Variants in MYO3B observed in about 807,000 individuals in gnomAD.
MYO3B encodes the protein myosin IIIB.
Under a neutral mutation model 174.6 loss-of-function variants are expected in MYO3B, and 156 were observed. The observed-to-expected ratio is 0.89, with a 90% confidence interval of 0.78 to 1.02. The LOEUF (loss-of-function observed/expected upper bound fraction) is 1.02, where lower values mean the gene tolerates loss of function less well. Ranked by LOEUF, MYO3B falls within the 50% of genes least tolerant of loss-of-function variation. The pLI, the probability that MYO3B is intolerant of heterozygous loss-of-function variation, is 0.00. For missense variants in MYO3B, 1,632 were observed against 1,639.4 expected, an observed-to-expected ratio of 1.00 and a Z score of 0.08; for synonymous variants, 563 against 569.1, an observed-to-expected ratio of 0.99 and a Z score of 0.15.
At chr2:170,207,679 G>T (rs201431894) in intron 3 of MYO3B, among the ~76,000 whole-genome samples, 1 of 135,668 alleles carries the variant, frequency 7.4e-6, no homozygotes. Flanking sequence ...AAAAAAAAAG[G>T]CTTTTTTTTT....
Position 170,519,578 on chromosome 2 carries a change from C to T in MYO3B, c.3575+38C>T, listed in dbSNP as rs553493927. On this transcript the variant is annotated intron_variant, in intron 30 of 34. Coordinates refer to ENST00000408978, the MANE Select transcript of MYO3B (RefSeq NM_138995.5). ...TGCTAAGAGTTCCCTGTTGTAAACT[C>T]AGGTGCTCCATTCTAATGGATAATG... 5.9e-5 allele frequency: 87 copies of T among 1,466,850 alleles called. 1 individual carries two copies. The South Asian group carries it at 9.9e-4, about 17-fold the overall frequency. The allele number at this position is 1,466,850 out of a possible 1,614,324, so 90.9% of individuals were successfully genotyped here.
chr2:170,387,197 C>G lies in MYO3B; in HGVS notation c.1466C>G (p.Ser489Trp), dbSNP rs529027538. 5.6e-6 allele frequency: 9 copies of G among 1,614,092 alleles called. No individual in the cohort carries two copies. In the South Asian group the frequency reaches 9.9e-5, roughly 18 times the overall value. The change falls in exon 14 of 35, where the codon TCG becomes TGG. Residue 489 changes from serine (S) to tryptophan (W), a missense_variant. Transcript: ENST00000408978. ...GNSCTAINDN[S>W]SRFGKYLEMM... ...TCATGCACTGCCATCAATGACAACT[C>G]GAGCCGTTTTGGAAAATATCTGGAA...
intron 32 of MYO3B, among the ~76,000 whole-genome samples, chr2:170,581,748 T>A (rs546112566): frequency 6.6e-6 from 1 of 152,314 alleles, no homozygotes; most frequent in Admixed American, 6.5e-5. Flanking sequence ...CCTCACAATT[T>A]TAGCTAAACA....
intron 32 of MYO3B, among the ~76,000 whole-genome samples, chr2:170,581,078 C>T (rs2106301756): frequency 6.6e-6 from 1 of 152,292 alleles, no homozygotes; most frequent in Middle Eastern, 3.4e-3. Context: ...TGCACATCTA[C>T]CATTCAGAAT....
chr2:170,272,010 A>C (rs1386775803), intron 7 of MYO3B, among the ~76,000 whole-genome samples: 1 of 151,102 alleles, frequency 6.6e-6, no homozygotes, highest in Admixed American at 6.6e-5. Context: ...AGGGACTGTT[A>C]TATTTCTACA....
rs781169774 is a variant in MYO3B at position 170,499,820 on chromosome 2, T to G, written c.3289+12T>G. 6.2e-7 allele frequency: 1 copy of G among 1,613,224 alleles called. No homozygotes were observed. The highest frequency in any genetic ancestry group is 1.7e-5 in the Admixed American group (1 of 59,994). ...TGCCATCCAGTCAGGTAAATGGTCC[T>G]GTTCTCATAAATACTGCCCTGGGTA... On this transcript the variant is annotated intron_variant, in intron 27 of 34. Coordinates refer to ENST00000408978, the MANE Select transcript of MYO3B (RefSeq NM_138995.5).
intron 8 of MYO3B, among the ~76,000 whole-genome samples, chr2:170,357,924 G>A (rs558213938): frequency 1.3e-5 from 2 of 152,294 alleles, no homozygotes; most frequent in African/African-American, 4.8e-5. Flanking sequence ...AGGCCAAGGT[G>A]GGTGGATCAC....
chr2:170,404,331 C>A lies in MYO3B; in HGVS notation c.2362C>A (p.Pro788Thr). The change falls in exon 20 of 35, where the codon CCC becomes ACC. Residue 788 changes from proline (P) to threonine (T), a missense_variant. Physicochemically the swap from Pro to Thr is conservative, Grantham distance 38. Transcript: ENST00000408978. ...RPLLDMFLQK[P>T]LGLLALLDEE... ...GCTCTTGGACATGTTCCTCCAGAAA[C>A]CCCTGGGACTGCTTGCACTTTTGGA... 1 of 1,613,908 alleles carries A rather than the reference C, an allele frequency of 6.2e-7. No individual in the cohort carries two copies.
intron 32 of MYO3B, among the ~76,000 whole-genome samples, chr2:170,549,217 A>G (rs1195296538): frequency 1.3e-5 from 2 of 152,190 alleles, no homozygotes; most frequent in African/African-American, 4.8e-5. Flanking sequence ...GTTTTCTTTT[A>G]TACCTCACCT....
Position 170,651,652 on chromosome 2 carries a change from A to G in MYO3B, c.3758A>G (p.Lys1253Arg). Residue 1253 changes from lysine (K) to arginine (R), a missense_variant, in exon 33 of 35, where the codon AAG (lysine) becomes AGG (arginine). Coordinates refer to ENST00000408978, the MANE Select transcript of MYO3B (RefSeq NM_138995.5). ...KPGSENGLAQKHRTPRRRCQQ... is the reference protein window; with the variant it reads ...KPGSENGLAQRHRTPRRRCQQ... ...GGTTCAGAAAATGGTCTTGCACAGA[A>G]GCATCGAACACCTCGCCGACGATGT... 1.2e-6 allele frequency: 2 copies of G among 1,614,120 alleles called. No homozygotes were observed. The highest frequency in any genetic ancestry group is 1.7e-6 in the Non-Finnish European group (2 of 1,180,018).
intron 26 of MYO3B, 122 bp downstream of exon 26, chr2:170,498,825 A>G (rs887919100): frequency 4.1e-5 from 26 of 635,622 alleles, no homozygotes; most frequent in African/African-American, 1.5e-4. Flanking sequence ...CAACGTAACA[A>G]TGGTCTTTGC....
chr2:170,321,087 A>G (rs1384882527), intron 7 of MYO3B, among the ~76,000 whole-genome samples: 1 of 152,134 alleles, frequency 6.6e-6, no homozygotes, highest in African/African-American at 2.4e-5. Flanking sequence ...CAACATAATG[A>G]TACCCCATCT....
chr2:170,628,432 A>C (rs1696653997), intron 32 of MYO3B, among the ~76,000 whole-genome samples: 1 of 152,214 alleles, frequency 6.6e-6, no homozygotes, highest in African/African-American at 2.4e-5. Context: ...CCGATTTTCC[A>C]GGTGCCATCT....
At position 170,542,926 on chromosome 2, in the gene MYO3B, C is replaced by G. The variant is rs1432250112; in HGVS notation, c.3596C>G (p.Ser1199Cys). 1 of 1,609,462 alleles carries G rather than the reference C, an allele frequency of 6.2e-7. No individual in the cohort carries two copies. The highest frequency in any genetic ancestry group is 8.5e-7 in the Non-Finnish European group (1 of 1,177,642). ...TTCAGGCATTCACAAGCCCAGAGTTCTCCAAAAGGGTGCGATATCTTCGCA... is the reference window on the plus strand; with the variant it reads ...TTCAGGCATTCACAAGCCCAGAGTTGTCCAAAAGGGTGCGATATCTTCGCA... The part of the protein sequence containing the change: ...EKNGHSQAQS[S>C]PKGCDIFAGH... Residue 1199 changes from serine (S) to cysteine (C), a missense_variant, in exon 31 of 35, where the codon TCT becomes TGT. Coordinates refer to ENST00000408978, the MANE Select transcript of MYO3B (RefSeq NM_138995.5).
chr2:170,563,909 T>A (rs1691899776), intron 32 of MYO3B, among the ~76,000 whole-genome samples: 1 of 152,194 alleles, frequency 6.6e-6, no homozygotes, highest in Non-Finnish European at 1.5e-5. Context: ...GAAGCATAGT[T>A]CAGTTGATTA....
chr2:170,612,119 C>G (rs1695160228), intron 32 of MYO3B, among the ~76,000 whole-genome samples: 1 of 152,170 alleles, frequency 6.6e-6, no homozygotes, highest in African/African-American at 2.4e-5. Flanking sequence ...CCCTAAAAAT[C>G]TGCACTCCCA....
intron 7 of MYO3B, among the ~76,000 whole-genome samples, chr2:170,253,873 G>A (rs1333582773): frequency 4.8e-5 from 7 of 147,100 alleles, no homozygotes; most frequent in African/African-American, 1.5e-4. Flanking sequence ...ATGCTGTGAA[G>A]AGCTGTTCTG....
chr2:170,461,833 T>A, intron 23 of MYO3B, among the ~76,000 whole-genome samples: 1 of 149,904 alleles, frequency 6.7e-6, no homozygotes, highest in East Asian at 2.0e-4. Flanking sequence ...TATGTATATG[T>A]ATGGAGGTCG....
intron 25 of MYO3B, among the ~76,000 whole-genome samples, chr2:170,498,356 G>T (rs1687015090): frequency 6.6e-6 from 1 of 152,238 alleles, no homozygotes; most frequent in Admixed American, 6.5e-5. Flanking sequence ...CACTGAATAT[G>T]AATTACAAAG....
Sources: allele counts gnomAD v4.1 joint callset (sites outside exome capture counted in the v4.1 genomes callset), GRCh38; gene constraint gnomAD v4.1.1; transcripts MANE v1.5; gene names NCBI Gene and HGNC (gene_info 2026-07-23, HGNC 2026-07-21).